The following XKR7 variants were observed in gnomAD, a reference collection of about 807,000 sequenced individuals.
The protein encoded by XKR7 is XK related 7, also known as XK-related protein 7.
XKR7 carries 11 observed loss-of-function variants against 42.2 expected under a neutral mutation model. The observed-to-expected ratio is 0.26, with a 90% CI of 0.16 to 0.43. XKR7 has a LOEUF of 0.43. Among genes scored for constraint, XKR7 ranks in the 20% least tolerant of loss-of-function variants. The probability of loss-of-function intolerance (pLI) is 1.00; values close to 1 mark genes in which losing one functional copy is unlikely to be tolerated. For synonymous variants in XKR7, 346 were observed against 366.4 expected (o/e 0.94, Z 0.64); for missense variants, 710 against 802.2 (o/e 0.89, Z 1.39).
chr20:31,999,580 T>C lies in XKR7; in HGVS notation c.*2123T>C, dbSNP rs540893861. 1.3e-5 allele frequency: 2 copies of C among 152,264 alleles called. No homozygotes were observed. The highest frequency in any genetic ancestry group is 2.9e-5 in the Non-Finnish European group (2 of 68,002). 9.4% of individuals were successfully genotyped at this position (152,264 alleles called of 1,614,324 possible). Reference sequence around the variant, plus strand: ...GTTCATCCATCCTCCAAATCCATCTTTGGAGGCTGAATTCACACACAAAGC... The same window carrying C: ...GTTCATCCATCCTCCAAATCCATCTCTGGAGGCTGAATTCACACACAAAGC... On this transcript the variant is annotated 3_prime_UTR_variant, in exon 3 of 3. Coordinates refer to ENST00000562532, the MANE Select transcript of XKR7 (RefSeq NM_001011718.2).
At chr20:31,986,829 C>A (rs2064543701) in intron 1 of XKR7, among the ~76,000 whole-genome samples, 1 of 149,848 alleles carries the variant, frequency 6.7e-6, no homozygotes, top group Non-Finnish European at 1.5e-5. Context: ...GACCCAGCAT[C>A]CAAGACACAG....
intron 1 of XKR7, among the ~76,000 whole-genome samples, chr20:31,983,620 G>A (rs546995395): frequency 6.6e-6 from 1 of 152,208 alleles, no homozygotes. Context: ...GTGTCCTCCT[G>A]GACCTCAAGG....
At position 32,001,717 on chromosome 20, in the gene XKR7, T is replaced by G. The variant is rs908757141; in HGVS notation, c.*4260T>G. 2.6e-5 allele frequency: 4 copies of G among 152,238 alleles called. No individual in the cohort carries two copies. The highest frequency in any genetic ancestry group is 5.9e-5 in the Non-Finnish European group (4 of 68,138). 9.4% of individuals were successfully genotyped at this position (152,238 alleles called of 1,614,324 possible). A position where few individuals can be genotyped will look rare whatever the true frequency, so the allele number is the denominator to read the frequency against. On this transcript the variant is annotated 3_prime_UTR_variant, in exon 3 of 3. Coordinates refer to ENST00000562532, the MANE Select transcript of XKR7 (RefSeq NM_001011718.2). ...GGCCCCTGGTTAGGAGGAATCTACA[T>G]TGGGTTGCAGGGGAGTCCAGGTGCA...
At position 31,968,543 on chromosome 20, in the gene XKR7, C is replaced by T. The variant is rs769126923; in HGVS notation, c.368C>T (p.Pro123Leu). 1 of 1,605,050 alleles carries T rather than the reference C, an allele frequency of 6.2e-7. No homozygotes were observed. The highest frequency in any genetic ancestry group is 8.5e-7 in the Non-Finnish European group (1 of 1,176,482). The change falls in exon 1 of 3, where the codon CCG becomes CTG. Residue 123 changes from proline to leucine, a missense_variant. Transcript: ENST00000562532. This position sits in a 1 kb window ranked among gnomAD's most constrained non-coding sequence, Gnocchi z 4.5. ...GACTACTCGGAGCCCGCAGGGTCCC[C>T]GGGACCCGCCGTCAGCACCAAGGAC... Reference protein sequence around the residue: ...VYDYSEPAGSPGPAVSTKDSV... With the variant: ...VYDYSEPAGSLGPAVSTKDSV...
chr20:31,979,079 G>A (rs994400458), intron 1 of XKR7, among the ~76,000 whole-genome samples: 3 of 151,142 alleles, frequency 2.0e-5, no homozygotes, highest in Non-Finnish European at 2.9e-5. Context: ...AGGTTGCAGT[G>A]AGCTGAGATC....
Position 31,997,734 on chromosome 20 carries a change from T to G in XKR7, c.*277T>G. ...CTACACTTTTCGAGCTGCCCTGCTT[T>G]CATGGGGCCTCCACACCTCTCCCCT... On this transcript the variant is annotated 3_prime_UTR_variant, in exon 3 of 3. Transcript: ENST00000562532. The G allele has an allele frequency of 2.3e-6, 1 of 438,922 alleles. No homozygotes were observed. 27.2% of individuals were successfully genotyped at this position (438,922 alleles called of 1,614,324 possible).
chr20:31,973,067 C>T (rs115302698), intron 1 of XKR7, among the ~76,000 whole-genome samples: 184 of 152,314 alleles, frequency 1.2e-3, no homozygotes, highest in African/African-American at 4.2e-3. Context: ...TGTACCCACC[C>T]GCCTCTTAGG....
In XKR7 at chr20:32,000,662, C is replaced by T. The variant is rs1483394521; in HGVS notation, c.*3205C>T. 6.6e-6 allele frequency: 1 copy of T among 152,304 alleles called. No individual in the cohort carries two copies. The highest frequency in any genetic ancestry group is 1.5e-5 in the Non-Finnish European group (1 of 68,136). 9.4% of individuals were successfully genotyped at this position (152,304 alleles called of 1,614,324 possible). On this transcript the variant is annotated 3_prime_UTR_variant, in exon 3 of 3. Coordinates refer to ENST00000562532, the MANE Select transcript of XKR7 (RefSeq NM_001011718.2). Reference sequence around the variant, plus strand: ...TATGGCAGGCCCTGCCCTCAGTTACCTCTAACCCCAGGAGACCAGTGTCCC... The same window carrying T: ...TATGGCAGGCCCTGCCCTCAGTTACTTCTAACCCCAGGAGACCAGTGTCCC...
chr20:31,987,731 C>G (rs559889325), intron 1 of XKR7, among the ~76,000 whole-genome samples: 3 of 152,212 alleles, frequency 2.0e-5, no homozygotes, highest in Non-Finnish European at 4.4e-5. Context: ...AAGCAGACCT[C>G]GTATTCACAG....
intron 1 of XKR7, among the ~76,000 whole-genome samples, chr20:31,973,445 T>C (rs2064472773): frequency 1.3e-5 from 2 of 152,108 alleles, no homozygotes; most frequent in African/African-American, 4.8e-5. Context: ...AACTATGATA[T>C]ATATTATATG....
Position 31,996,279 on chromosome 20 carries a change from C to T in XKR7, c.788-226C>T, listed in dbSNP as rs1476914170. Among the ~76,000 whole-genome samples, 4 of 152,038 alleles carry T rather than the reference C, an allele frequency of 2.6e-5. No homozygotes were observed. The East Asian group carries it at 7.8e-4, about 29-fold the overall frequency. ...CCCCATCTTCGTCTCCCTTTATGCT[C>T]CCACCCTACAGAAGTACCCAGTCCC... On this transcript the variant is annotated intron_variant, in intron 2 of 2. Transcript: ENST00000562532.
At chr20:31,983,033 A>T (rs2064520899) in intron 1 of XKR7, among the ~76,000 whole-genome samples, 1 of 152,216 alleles carries the variant, frequency 6.6e-6, no homozygotes, top group African/African-American at 2.4e-5. Flanking sequence ...AGTCAGTAAG[A>T]GATGGAGCTA....
intron 1 of XKR7, among the ~76,000 whole-genome samples, chr20:31,989,230 T>G (rs2064557194): frequency 6.6e-6 from 1 of 151,354 alleles, no homozygotes; most frequent in South Asian, 2.1e-4. Flanking sequence ...GCAGAGCAAG[T>G]GCAGACGTCC....
At chr20:31,979,685 C>T (rs758583243) in intron 1 of XKR7, among the ~76,000 whole-genome samples, 3 of 152,146 alleles carry the variant, frequency 2.0e-5, no homozygotes, top group Non-Finnish European at 4.4e-5. Context: ...AGACTAGGGG[C>T]AGATACAAGT....
At chr20:31,970,140 C>T (rs1442554216) in intron 1 of XKR7, 1 of 152,212 alleles carries the variant, frequency 6.6e-6, no homozygotes, top group East Asian at 1.9e-4. Flanking sequence ...TAGCGTGACA[C>T]ATAAAAATAT....
chr20:31,991,574 CT>C (rs1487177012), intron 1 of XKR7, among the ~76,000 whole-genome samples: 3 of 152,240 alleles, frequency 2.0e-5, no homozygotes, highest in African/African-American at 7.2e-5. Context: ...CTCATCACCC[CT>C]GATTCTGGGA....
At chr20:31,994,692 T>A (rs1276771088) in intron 1 of XKR7, among the ~76,000 whole-genome samples, 3 of 152,136 alleles carry the variant, frequency 2.0e-5, no homozygotes, top group Non-Finnish European at 4.4e-5. Context: ...GGTGACAGAA[T>A]GAGACCCCAT....
chr20:31,981,928 C>G (rs1415845947), intron 1 of XKR7, among the ~76,000 whole-genome samples: 1 of 152,164 alleles, frequency 6.6e-6, no homozygotes, highest in Non-Finnish European at 1.5e-5. Context: ...ATGTCTGCTT[C>G]AGATCGTGGC....
chr20:31,990,179 C>CGTGTGTGT (rs56235886), intron 1 of XKR7, among the ~76,000 whole-genome samples: 2,382 of 144,212 alleles, frequency 0.017, 48 homozygotes, highest in African/African-American at 0.054. Context: ...AAATTCATTG[C>CGTGTGTGT]GTGTGTGTGT....
Sources: gnomAD v4.1 joint callset for allele counts (sites outside exome capture counted in the v4.1 genomes callset) on GRCh38, gnomAD v4.1.1 for gene constraint, Gnocchi (gnomAD v3.1) non-coding constraint, MANE v1.5 for transcripts, NCBI Gene and HGNC (gene_info 2026-07-23, HGNC 2026-07-21) for gene names.